DTL: variants seen among roughly 807,000 people sequenced by gnomAD.
DTL encodes the protein denticleless E3 ubiquitin protein ligase adapter.
In DTL, 46 loss-of-function variants were observed where a neutral mutation model predicts 87.0. That is an observed-to-expected ratio of 0.53 (90% CI 0.42 to 0.68). DTL has a LOEUF of 0.68. DTL is among the 30% of genes least tolerant of loss of function. The probability of loss-of-function intolerance (pLI) is 0.00; values close to 1 mark genes in which losing one functional copy is unlikely to be tolerated. For synonymous variants in DTL, 308 were observed against 311.2 expected (o/e 0.99, Z 0.11); for missense variants, 737 against 869.4 (o/e 0.85, Z 1.91).
At chr1:212,062,793 C>CT in intron 5 of DTL, 91 bp from the exon 6 acceptor site, 1 of 969,224 alleles carries the variant, frequency 1.0e-6, no homozygotes, top group Non-Finnish European at 1.7e-6. Context: ...GTACCTAGCA[C>CT]ATAATAGATA....
chr1:212,065,348 G>T lies in DTL; in HGVS notation c.639+319G>T, dbSNP rs4397712. ...GTCTCATGCCATTAAGCAGAAAGTG[G>T]TTTTTTTTTTTACAATTTCAATATC... On this transcript the variant is annotated intron_variant, in intron 7 of 14. Coordinates refer to ENST00000366991, the MANE Select transcript of DTL (RefSeq NM_016448.4). Among the ~76,000 whole-genome samples, 715 of 151,346 alleles carry T rather than the reference G, an allele frequency of 4.7e-3. 5 individuals carry two copies. Among genetic ancestry groups the T allele is most frequent in the African/African-American group, 0.014 (566 of 41,372 alleles).
intron 13 of DTL, among the ~76,000 whole-genome samples, chr1:212,090,849 A>G (rs910331353): frequency 3.9e-5 from 6 of 152,238 alleles, no homozygotes. Flanking sequence ...CCTTTAACAG[A>G]TATAGAATCT....
At chr1:212,075,703 T>G (rs889044655) in intron 11 of DTL, among the ~76,000 whole-genome samples, 1 of 152,212 alleles carries the variant, frequency 6.6e-6, no homozygotes, top group African/African-American at 2.4e-5. Flanking sequence ...CCTCCCATTT[T>G]TCCTTATTCA....
intron 5 of DTL, among the ~76,000 whole-genome samples, chr1:212,060,263 G>A (rs1668303175): frequency 6.6e-6 from 1 of 151,948 alleles, no homozygotes; most frequent in African/African-American, 2.4e-5. Flanking sequence ...AAAACAGCAT[G>A]GCATAAAAAC....
chr1:212,053,637 G>C (rs1278062634), intron 5 of DTL, among the ~76,000 whole-genome samples: 1 of 151,982 alleles, frequency 6.6e-6, no homozygotes, highest in Non-Finnish European at 1.5e-5. Flanking sequence ...ACCCAGTTTG[G>C]AGTGCAGTGG....
At chr1:212,047,536 T>C in intron 5 of DTL, 119 bp downstream of exon 5, 1 of 1,333,750 alleles carries the variant, frequency 7.5e-7, no homozygotes, top group Non-Finnish European at 1.0e-6. Flanking sequence ...ACATAGATGA[T>C]TAAGATTCTT....
At chr1:212,074,891 A>G (rs553642343) in intron 11 of DTL, among the ~76,000 whole-genome samples, 1 of 152,284 alleles carries the variant, frequency 6.6e-6, no homozygotes, top group African/African-American at 2.4e-5. Flanking sequence ...GAGGAAATAT[A>G]ATATATTCGG....
chr1:212,056,960 A>T (rs1223255005), intron 5 of DTL, among the ~76,000 whole-genome samples: 2 of 152,180 alleles, frequency 1.3e-5, no homozygotes, highest in African/African-American at 4.8e-5. Context: ...TAGAGAAAAA[A>T]TAATAAACAT....
Position 212,043,055 on chromosome 1 carries a change from G to T in DTL, c.115G>T (p.Glu39Ter). Residue 39 changes from glutamate (E) to a stop codon, truncating the protein, a stop_gained, in exon 2 of 15, where the codon GAA becomes TAA. Coordinates refer to ENST00000366991, the MANE Select transcript of DTL (RefSeq NM_016448.4). LOFTEE classifies it high-confidence loss of function. ...TGGTTATCAGTGCAGTGGTAATGAT[G>T]AACACACTTCTTATGGAGAAACAGG... Reference protein sequence around the residue: ...LTGYQCSGNDEHTSYGETGVP... With the variant: ...LTGYQCSGND The T allele has an allele frequency of 6.2e-7, 1 of 1,613,282 alleles. No individual in the cohort carries two copies. The highest frequency in any genetic ancestry group is 8.5e-7 in the Non-Finnish European group (1 of 1,179,518).
chr1:212,057,836 G>A (rs1000744599), intron 5 of DTL, among the ~76,000 whole-genome samples: 5 of 152,046 alleles, frequency 3.3e-5, no homozygotes, highest in Non-Finnish European at 5.9e-5. Context: ...TACAAGAAAC[G>A]CATCTCACCT....
chr1:212,082,793 T>C (rs538513220), intron 13 of DTL, among the ~76,000 whole-genome samples: 1 of 152,242 alleles, frequency 6.6e-6, no homozygotes, highest in South Asian at 2.1e-4. Context: ...TCTGAAATTG[T>C]CACTGAGAGA....
intron 13 of DTL, among the ~76,000 whole-genome samples, chr1:212,089,299 A>G (rs1305376383): frequency 6.6e-6 from 1 of 152,030 alleles, no homozygotes; most frequent in Non-Finnish European, 1.5e-5. Context: ...AGGCCCATAT[A>G]ATGGCATGCT....
At chr1:212,088,528 G>C (rs986138918) in intron 13 of DTL, among the ~76,000 whole-genome samples, 1 of 152,212 alleles carries the variant, frequency 6.6e-6, no homozygotes, top group African/African-American at 2.4e-5. Flanking sequence ...TCCCCTGTGA[G>C]AGGAGAGCTC....
intron 5 of DTL, among the ~76,000 whole-genome samples, chr1:212,048,079 C>T (rs950711977): frequency 2.6e-5 from 4 of 152,208 alleles, no homozygotes; most frequent in Non-Finnish European, 5.9e-5. Context: ...AACAGAGTTA[C>T]TTTAACTCTG....
intron 13 of DTL, among the ~76,000 whole-genome samples, chr1:212,089,218 G>T (rs1413085044): frequency 1.3e-5 from 2 of 152,164 alleles, no homozygotes; most frequent in Non-Finnish European, 2.9e-5. Context: ...TATTGCTTAA[G>T]GTCAATAAGG....
intron 3 of DTL, 104 bp downstream of exon 3, chr1:212,044,862 C>T: frequency 1.4e-6 from 1 of 697,294 alleles, no homozygotes; most frequent in Non-Finnish European, 2.5e-6. Flanking sequence ...TCTTCTGTTG[C>T]TATAAAGGAA....
At chr1:212,086,511 C>T (rs888735375) in intron 13 of DTL, among the ~76,000 whole-genome samples, 3 of 152,150 alleles carry the variant, frequency 2.0e-5, no homozygotes, top group Non-Finnish European at 4.4e-5. Context: ...CCACTTCAGC[C>T]TCCCAATAGC....
At chr1:212,067,780 A>G (rs1485043879) in intron 8 of DTL, among the ~76,000 whole-genome samples, 1 of 152,252 alleles carries the variant, frequency 6.6e-6, no homozygotes, top group Non-Finnish European at 1.5e-5. Context: ...ATGAAATGAA[A>G]AAATACTTTA....
chr1:212,085,873 G>A (rs2102572703), intron 13 of DTL, among the ~76,000 whole-genome samples: 1 of 152,248 alleles, frequency 6.6e-6, no homozygotes, highest in Non-Finnish European at 1.5e-5. Context: ...TTGTTAAAGA[G>A]ACTATTCTTT....
Sources: allele counts gnomAD v4.1 joint callset (sites outside exome capture counted in the v4.1 genomes callset), GRCh38; gene constraint gnomAD v4.1.1; transcripts MANE v1.5; gene names NCBI Gene and HGNC (gene_info 2026-07-23, HGNC 2026-07-21).